Variants in CDH13 observed in about 807,000 individuals in gnomAD.
CDH13 encodes the protein cadherin-13.
CDH13 carries 24 observed loss-of-function variants against 63.8 expected under a neutral mutation model. That is an observed-to-expected ratio of 0.38 (90% CI 0.27 to 0.53). The LOEUF is 0.53. Among genes scored for constraint, CDH13 ranks in the 20% least tolerant of loss-of-function variants. The pLI is 0.85. For missense variants in CDH13, 1,049 were observed against 903.1 expected (o/e 1.16, Z -2.07); for synonymous variants, 503 against 355.3 (o/e 1.42, Z -4.67).
intron 6 of CDH13, among the ~76,000 whole-genome samples, chr16:83,347,698 A>G (rs1048844628): frequency 2.6e-5 from 4 of 152,196 alleles, no homozygotes; most frequent in Non-Finnish European, 5.9e-5. Context: ...CTGGCTGGGG[A>G]AAAGGCACAA....
chr16:82,911,442 C>A (rs934991149), intron 2 of CDH13, among the ~76,000 whole-genome samples: 1 of 152,146 alleles, frequency 6.6e-6, no homozygotes, highest in Non-Finnish European at 1.5e-5. Flanking sequence ...GAAAAAGTGA[C>A]CTAGAGGGAA....
At chr16:83,114,042 C>G (rs1309045415) in intron 3 of CDH13, among the ~76,000 whole-genome samples, 4 of 152,110 alleles carry the variant, frequency 2.6e-5, no homozygotes, top group African/African-American at 9.7e-5. Flanking sequence ...TTCAGACTCC[C>G]CTGATGAAAA....
At chr16:83,098,018 C>T (rs1234420293) in intron 3 of CDH13, among the ~76,000 whole-genome samples, 2 of 152,078 alleles carry the variant, frequency 1.3e-5, no homozygotes, top group African/African-American at 2.4e-5. Flanking sequence ...GAGAATGAGA[C>T]TTCAGGGCAG....
intron 8 of CDH13, among the ~76,000 whole-genome samples, chr16:83,643,327 C>T: frequency 6.7e-6 from 1 of 149,942 alleles, no homozygotes; most frequent in Admixed American, 6.6e-5. Context: ...ACAGATCTCT[C>T]CACACACCTG....
chr16:83,329,079 A>G (rs549256059), intron 5 of CDH13, among the ~76,000 whole-genome samples: 1 of 152,282 alleles, frequency 6.6e-6, no homozygotes, highest in South Asian at 2.1e-4. Context: ...CCGAAGCACA[A>G]ATCTCTGGGC....
intron 1 of CDH13, among the ~76,000 whole-genome samples, chr16:82,648,217 C>T (rs1203040752): frequency 2.0e-5 from 3 of 152,164 alleles, no homozygotes; most frequent in Non-Finnish European, 4.4e-5. Flanking sequence ...TAAAAATAGT[C>T]ATGCACTTTG....
chr16:83,533,887 C>A (rs1322288710), intron 7 of CDH13, among the ~76,000 whole-genome samples: 1 of 152,152 alleles, frequency 6.6e-6, no homozygotes, highest in African/African-American at 2.4e-5. Context: ...TCCCGAGCTG[C>A]TGGGATTACA....
intron 1 of CDH13, among the ~76,000 whole-genome samples, chr16:82,696,923 T>C (rs2030370551): frequency 6.6e-6 from 1 of 152,062 alleles, no homozygotes; most frequent in Non-Finnish European, 1.5e-5. Flanking sequence ...ACATGGCTGG[T>C]GGTAATAGGC....
intron 2 of CDH13, among the ~76,000 whole-genome samples, chr16:83,012,160 A>G (rs958153129): frequency 6.6e-6 from 1 of 152,238 alleles, no homozygotes; most frequent in Non-Finnish European, 1.5e-5. Context: ...AAAATTACAG[A>G]TGAAATATGT....
intron 3 of CDH13, among the ~76,000 whole-genome samples, chr16:83,098,394 T>C (rs2034309174): frequency 6.6e-6 from 1 of 152,182 alleles, no homozygotes; most frequent in African/African-American, 2.4e-5. Flanking sequence ...TCAATTTTCC[T>C]TCTAAACATA....
At chr16:82,634,084 A>G (rs1908355408) in intron 1 of CDH13, among the ~76,000 whole-genome samples, 2 of 152,244 alleles carry the variant, frequency 1.3e-5, no homozygotes, top group African/African-American at 4.8e-5. Flanking sequence ...GCAGAGGCAC[A>G]AAGACCCTGT....
At chr16:83,605,950 A>G (rs1265979275) in intron 8 of CDH13, among the ~76,000 whole-genome samples, 4 of 152,230 alleles carry the variant, frequency 2.6e-5, no homozygotes, top group African/African-American at 9.6e-5. Context: ...AGGCCTCGGG[A>G]CAAAAGCGAG....
chr16:82,711,173 T>C (rs2031913129), intron 1 of CDH13, among the ~76,000 whole-genome samples: 1 of 152,136 alleles, frequency 6.6e-6, no homozygotes, highest in South Asian at 2.1e-4. Context: ...GACCGCAGTG[T>C]GGAGGTTCTA....
chr16:83,502,369 C>T (rs2074302301), intron 7 of CDH13, among the ~76,000 whole-genome samples: 1 of 151,768 alleles, frequency 6.6e-6, no homozygotes, highest in Non-Finnish European at 1.5e-5. Flanking sequence ...GTGGACAGAG[C>T]TTCTGGCATC....
intron 5 of CDH13, among the ~76,000 whole-genome samples, chr16:83,343,275 T>A (rs1367238411): frequency 6.6e-6 from 1 of 152,214 alleles, no homozygotes; most frequent in African/African-American, 2.4e-5. Flanking sequence ...ATGATGCTCA[T>A]GTTATTTTGT....
rs1555513895 is a variant in CDH13, at chr16:83,216,427, T to TATATAAAA, written c.484-913_484-912insAAAATATA. ...ATATATATATATATATATATATATA[T>TATATAAAA]ATATATATATATATATACACAACCC... On this transcript the variant is annotated intron_variant, in intron 4 of 13. Coordinates refer to ENST00000567109, the MANE Select transcript of CDH13 (RefSeq NM_001257.5). Among the ~76,000 whole-genome samples the TATATAAAA allele has an allele frequency of 2.2e-4, 10 of 45,070 alleles. 1 individual carries two copies. The highest frequency in any genetic ancestry group is 5.9e-4 in the African/African-American group (10 of 16,932). 29.6% of individuals were successfully genotyped at this position (45,070 alleles called of 152,430 possible).
At chr16:83,238,966 G>A (rs772779737) in intron 5 of CDH13, among the ~76,000 whole-genome samples, 5 of 152,148 alleles carry the variant, frequency 3.3e-5, no homozygotes, top group Non-Finnish European at 7.4e-5. Flanking sequence ...ATTTTGTCCT[G>A]ACGAGAGATA....
intron 3 of CDH13, among the ~76,000 whole-genome samples, chr16:83,055,383 G>T (rs1179325301): frequency 7.2e-6 from 1 of 139,576 alleles, no homozygotes; most frequent in African/African-American, 2.7e-5. Flanking sequence ...GGGTAATTAA[G>T]AAAAAAAAAA....
chr16:83,125,000 T>G (rs1007030583), intron 3 of CDH13, among the ~76,000 whole-genome samples: 1 of 152,252 alleles, frequency 6.6e-6, no homozygotes, highest in Admixed American at 6.5e-5. Flanking sequence ...ATAAAACCAA[T>G]TCTTTATTGG....
Sources: allele counts gnomAD v4.1 joint callset (sites outside exome capture counted in the v4.1 genomes callset), GRCh38; gene constraint gnomAD v4.1.1; transcripts MANE v1.5; gene names NCBI Gene and HGNC (gene_info 2026-07-23, HGNC 2026-07-21).